TSPAN5: variants seen among roughly 807,000 people sequenced by gnomAD.
The protein encoded by TSPAN5 is tetraspanin 5.
TSPAN5 carries 10 observed loss-of-function variants against 37.1 expected under a neutral mutation model. That is an observed-to-expected ratio of 0.27 (90% CI 0.17 to 0.46). The LOEUF is 0.46. Ranked by LOEUF, TSPAN5 falls within the 20% of genes least tolerant of loss-of-function variation. The probability of loss-of-function intolerance (pLI) is 1.00; values close to 1 mark genes in which losing one functional copy is unlikely to be tolerated. For synonymous variants in TSPAN5, 110 were observed against 118.9 expected (o/e 0.93, Z 0.48); for missense variants, 195 against 326.6 (o/e 0.60, Z 3.11).
chr4:98,641,860 A>G (rs1039961061), intron 1 of TSPAN5, among the ~76,000 whole-genome samples: 1 of 152,210 alleles, frequency 6.6e-6, no homozygotes, highest in Non-Finnish European at 1.5e-5. Flanking sequence ...CTCCCAGAAG[A>G]GAAGCTCTGT....
intron 1 of TSPAN5, among the ~76,000 whole-genome samples, chr4:98,580,583 C>T (rs541321697): frequency 2.0e-5 from 3 of 152,228 alleles, no homozygotes; most frequent in Admixed American, 6.5e-5. Context: ...CACCAGAATA[C>T]CAAGATGATG....
At chr4:98,508,607 C>T (rs1452998613) in intron 1 of TSPAN5, among the ~76,000 whole-genome samples, 1 of 150,706 alleles carries the variant, frequency 6.6e-6, no homozygotes, top group Non-Finnish European at 1.5e-5. Flanking sequence ...TCACTGCAGC[C>T]TCAACTACCC....
chr4:98,533,557 T>TTTTTTTTTTTTTTTTTTTG, intron 1 of TSPAN5, among the ~76,000 whole-genome samples: 1 of 116,040 alleles, frequency 8.6e-6, no homozygotes, highest in African/African-American at 3.5e-5. Flanking sequence ...TTTTTTTTTT[T>TTTTTTTTTTTTTTTTTTTG]TTTTTTTTCT....
chr4:98,523,291 G>C (rs530798094), intron 1 of TSPAN5, among the ~76,000 whole-genome samples: 2 of 152,270 alleles, frequency 1.3e-5, no homozygotes, highest in Non-Finnish European at 2.9e-5. Flanking sequence ...CTGGTTTAAA[G>C]ACATCCATAA....
chr4:98,476,507 A>G (rs17027617), intron 5 of TSPAN5, 47 bp from the exon 6 acceptor site: 27,350 of 1,587,094 alleles, frequency 0.017, 975 homozygotes, highest in African/African-American at 0.15. Flanking sequence ...CATTAGACAG[A>G]AAGCCCACCT....
intron 1 of TSPAN5, among the ~76,000 whole-genome samples, chr4:98,583,765 C>T (rs1341007950): frequency 6.6e-6 from 1 of 152,196 alleles, no homozygotes; most frequent in African/African-American, 2.4e-5. Flanking sequence ...TGGACCAAGC[C>T]TCACAGGGTG....
intron 1 of TSPAN5, among the ~76,000 whole-genome samples, chr4:98,511,591 A>G (rs749433886): frequency 2.6e-5 from 4 of 152,242 alleles, no homozygotes; most frequent in Non-Finnish European, 4.4e-5. Context: ...ATTATATGGC[A>G]CATGACTACT....
intron 1 of TSPAN5, among the ~76,000 whole-genome samples, chr4:98,649,525 C>G (rs1757139903): frequency 1.3e-5 from 2 of 152,130 alleles, no homozygotes; most frequent in African/African-American, 4.8e-5. Flanking sequence ...TCGTTGGCTG[C>G]CAGGGAAAGC....
At chr4:98,576,374 T>C (rs985540775) in intron 1 of TSPAN5, among the ~76,000 whole-genome samples, 2 of 152,106 alleles carry the variant, frequency 1.3e-5, no homozygotes, top group East Asian at 1.9e-4. Context: ...TTTAAAAACA[T>C]AGTTGTATAT....
At chr4:98,573,910 G>C (rs1317700451) in intron 1 of TSPAN5, among the ~76,000 whole-genome samples, 2 of 149,744 alleles carry the variant, frequency 1.3e-5, no homozygotes, top group African/African-American at 4.9e-5. Flanking sequence ...CATTAACACT[G>C]CTCTTATGAT....
chr4:98,583,990 C>G (rs1310991966), intron 1 of TSPAN5, among the ~76,000 whole-genome samples: 2 of 152,176 alleles, frequency 1.3e-5, no homozygotes, highest in African/African-American at 4.8e-5. Flanking sequence ...TCTCCCACTC[C>G]CACCTTCCAG....
intron 1 of TSPAN5, among the ~76,000 whole-genome samples, chr4:98,516,867 C>T (rs1054501376): frequency 6.6e-6 from 1 of 152,152 alleles, no homozygotes; most frequent in Non-Finnish European, 1.5e-5. Context: ...CCTCTTTGCA[C>T]GTGTCTGTCT....
intron 1 of TSPAN5, among the ~76,000 whole-genome samples, chr4:98,579,178 T>C (rs1161512863): frequency 6.6e-6 from 1 of 152,014 alleles, no homozygotes; most frequent in Non-Finnish European, 1.5e-5. Flanking sequence ...ACAACCATCC[T>C]CCACCCCCAA....
rs147127835 is a variant in TSPAN5 at position 98,639,484 on chromosome 4, A to ATT, written c.81+18660_81+18661dup. On this transcript the variant is annotated intron_variant, in intron 1 of 7. Transcript: ENST00000305798. ...AGGCACACCCCACTGTGACTGGCTA[A>ATT]TTTTTTTTTTTTTTTTTGTACAGAC... Among the ~76,000 whole-genome samples the ATT allele has an allele frequency of 7.1e-4, 97 of 136,628 alleles. 1 individual carries two copies. The highest frequency in any genetic ancestry group is 9.7e-4 in the South Asian group (4 of 4,140). The allele number at this position is 136,628 out of a possible 152,430, so 89.6% of individuals were successfully genotyped here.
At chr4:98,477,443 G>C (rs562356523) in intron 5 of TSPAN5, among the ~76,000 whole-genome samples, 2 of 152,212 alleles carry the variant, frequency 1.3e-5, no homozygotes, top group Admixed American at 1.3e-4. Flanking sequence ...CCTTTTAAGA[G>C]CCCCACAGCC....
intron 1 of TSPAN5, among the ~76,000 whole-genome samples, chr4:98,565,334 G>A (rs929586518): frequency 6.6e-6 from 1 of 152,020 alleles, no homozygotes; most frequent in Non-Finnish European, 1.5e-5. Flanking sequence ...ACTTTAATAA[G>A]ATTCTTGAAA....
At chr4:98,621,899 C>T (rs759867121) in intron 1 of TSPAN5, among the ~76,000 whole-genome samples, 9 of 150,858 alleles carry the variant, frequency 6.0e-5, no homozygotes, top group Non-Finnish European at 1.0e-4. Flanking sequence ...CTTTTGTGTA[C>T]GGCTTGTCAC....
intron 3 of TSPAN5, chr4:98,483,881 G>C (rs1752901528): frequency 6.6e-6 from 1 of 152,668 alleles, no homozygotes; most frequent in Admixed American, 6.5e-5. Flanking sequence ...CACCACTTCT[G>C]CTCAATGCCT....
At chr4:98,522,182 C>T (rs758116833) in intron 1 of TSPAN5, among the ~76,000 whole-genome samples, 1 of 152,228 alleles carries the variant, frequency 6.6e-6, no homozygotes, top group East Asian at 1.9e-4. Context: ...CCAACCCCCA[C>T]ATTAGGCAAA....
Sources: allele counts gnomAD v4.1 joint callset (sites outside exome capture counted in the v4.1 genomes callset), GRCh38; gene constraint gnomAD v4.1.1; transcripts MANE v1.5; gene names NCBI Gene and HGNC (gene_info 2026-07-23, HGNC 2026-07-21).